SPPL2A: variants seen among roughly 807,000 people sequenced by gnomAD.
SPPL2A encodes signal peptide peptidase-like 2A.
A neutral mutation model predicts 63.8 loss-of-function variants in SPPL2A; 51 were observed. The observed-to-expected ratio is 0.80, with a 90% CI of 0.64 to 1.01. The LOEUF (loss-of-function observed/expected upper bound fraction) is 1.01, where lower values mean the gene tolerates loss of function less well. Among genes scored for constraint, SPPL2A ranks in the 50% least tolerant of loss-of-function variants. The pLI is 0.00. For synonymous variants in SPPL2A, 188 were observed against 205.8 expected (o/e 0.91, Z 0.74); for missense variants, 553 against 622.7 (o/e 0.89, Z 1.19).
chr15:50,713,351 G>A (rs1245592203), intron 14 of SPPL2A, among the ~76,000 whole-genome samples: 5 of 149,306 alleles, frequency 3.3e-5, no homozygotes, highest in African/African-American at 1.2e-4. Context: ...TGCAAGCTCC[G>A]CCTCCCAGGT....
At position 50,749,082 on chromosome 15, in the gene SPPL2A, C is replaced by T. The variant is rs561496443; in HGVS notation, c.178-212G>A. 6.6e-5 allele frequency among the ~76,000 whole-genome samples: 10 copies of T among 152,198 alleles called. No homozygotes were observed. The East Asian group carries it at 9.6e-4, about 15-fold the overall frequency. ...AAATCAATAATTATTTATTAACAAC[C>T]GTACATGACAATGGTTCACACAATA... is the stretch of plus-strand genomic sequence containing the variant. On this transcript the variant is annotated intron_variant, in intron 2 of 14. Transcript: ENST00000261854.
At chr15:50,756,380 G>A (rs2062957521) in intron 1 of SPPL2A, among the ~76,000 whole-genome samples, 1 of 145,816 alleles carries the variant, frequency 6.9e-6, no homozygotes, top group Admixed American at 6.8e-5. Context: ...AAAAAAAAAG[G>A]TCAGGGTCTG....
intron 13 of SPPL2A, among the ~76,000 whole-genome samples, chr15:50,720,811 G>A (rs930115211): frequency 6.6e-6 from 1 of 151,868 alleles, no homozygotes; most frequent in Admixed American, 6.6e-5. Flanking sequence ...TGAGCACCGC[G>A]CCCGGCCTGA....
intron 5 of SPPL2A, among the ~76,000 whole-genome samples, chr15:50,741,019 AT>A (rs1234914619): frequency 6.6e-6 from 1 of 152,236 alleles, no homozygotes; most frequent in Non-Finnish European, 1.5e-5. Flanking sequence ...AATTCAAGGC[AT>A]AACTTTGTCC....
At chr15:50,717,440 T>G (rs947535557) in intron 14 of SPPL2A, among the ~76,000 whole-genome samples, 1 of 152,222 alleles carries the variant, frequency 6.6e-6, no homozygotes, top group Admixed American at 6.5e-5. Flanking sequence ...CCCAAAGTGC[T>G]GCAATTATCA....
intron 9 of SPPL2A, among the ~76,000 whole-genome samples, chr15:50,731,736 T>C (rs1335774083): frequency 6.6e-6 from 1 of 151,262 alleles, no homozygotes; most frequent in Non-Finnish European, 1.5e-5. Context: ...AAAACCAGCC[T>C]GGCCAACATG....
In SPPL2A at chr15:50,702,702, C is replaced by A. The variant is rs2062484789; in HGVS notation, c.*5098G>T. 1 of 152,156 alleles carries A rather than the reference C, an allele frequency of 6.6e-6. No individual in the cohort carries two copies. The highest frequency in any genetic ancestry group is 1.5e-5 in the Non-Finnish European group (1 of 68,016). The allele number at this position is 152,156 out of a possible 1,614,324, so 9.4% of individuals were successfully genotyped here. A position where few individuals can be genotyped will look rare whatever the true frequency, so the allele number is the denominator to read the frequency against. On this transcript the variant is annotated 3_prime_UTR_variant, in exon 15 of 15. Coordinates refer to ENST00000261854, the MANE Select transcript of SPPL2A (RefSeq NM_032802.4). ...GTTTGCAATACTTTTTATGCCTAAT[C>A]AAAGAACCACATAATGACATTTTGT...
intron 14 of SPPL2A, among the ~76,000 whole-genome samples, chr15:50,709,339 T>C (rs2062538745): frequency 2.0e-5 from 3 of 152,210 alleles, no homozygotes; most frequent in Admixed American, 6.5e-5. Context: ...GTTCCTATTT[T>C]TGAAAAGTGG....
At position 50,703,350 on chromosome 15, in the gene SPPL2A, ATATATATTTTTTT is replaced by A. The variant is rs1337979534; in HGVS notation, c.*4437_*4449del. The A allele has an allele frequency of 2.5e-4, 17 of 67,746 alleles. No individual in the cohort carries two copies. The highest frequency in any genetic ancestry group is 4.3e-4 in the Non-Finnish European group (15 of 35,256). 4.2% of individuals were successfully genotyped at this position (67,746 alleles called of 1,614,324 possible). A position where few individuals can be genotyped will look rare whatever the true frequency, so the allele number is the denominator to read the frequency against. ...CATATATATATATATATATATACAT[ATATATATTTTTTT>A]TTTTTTTTTTTTTTTTTGAGATGGA... is the stretch of plus-strand genomic sequence containing the variant. On this transcript the variant is annotated 3_prime_UTR_variant, in exon 15 of 15. Transcript: ENST00000261854.
At position 50,705,517 on chromosome 15, in the gene SPPL2A, C is replaced by A. The variant is rs995835357; in HGVS notation, c.*2283G>T. ...TATTTTATTATTATAAATGAAAATA[C>A]AGAGTTTTAAAACGGCACTTAATCT... On this transcript the variant is annotated 3_prime_UTR_variant, in exon 15 of 15. Transcript: ENST00000261854. 1 of 151,934 alleles carries A rather than the reference C, an allele frequency of 6.6e-6. No homozygotes were observed. Among genetic ancestry groups the A allele is most frequent in the South Asian group, 2.1e-4 (1 of 4,818 alleles). The allele number at this position is 151,934 out of a possible 1,614,324, so 9.4% of individuals were successfully genotyped here.
chr15:50,756,901 T>A (rs1413181923), intron 1 of SPPL2A, among the ~76,000 whole-genome samples: 3 of 152,042 alleles, frequency 2.0e-5, no homozygotes, highest in African/African-American at 7.2e-5. Flanking sequence ...TCAAGTCCCT[T>A]CACACAGCTA....
intron 8 of SPPL2A, among the ~76,000 whole-genome samples, chr15:50,734,660 A>T (rs1019614587): frequency 1.3e-5 from 2 of 152,182 alleles, no homozygotes; most frequent in African/African-American, 4.8e-5. Flanking sequence ...TTGTAAAAAT[A>T]ACTAAAAGAG....
intron 6 of SPPL2A, among the ~76,000 whole-genome samples, chr15:50,737,838 G>A (rs1171953664): frequency 2.6e-5 from 4 of 152,112 alleles, no homozygotes; most frequent in East Asian, 1.9e-4. Context: ...ATAGGAGGCC[G>A]AGGCAGGTGG....
chr15:50,712,681 T>TCCCCC (rs2062569248), intron 14 of SPPL2A, among the ~76,000 whole-genome samples: 2 of 105,548 alleles, frequency 1.9e-5, no homozygotes, highest in African/African-American at 7.3e-5. Context: ...CCCCCCCCCT[T>TCCCCC]TTTTTTTTTT....
chr15:50,720,300 A>G (rs1033491485), intron 13 of SPPL2A, among the ~76,000 whole-genome samples, 200 bp from the exon 14 acceptor site: 13 of 152,188 alleles, frequency 8.5e-5, no homozygotes, highest in Admixed American at 2.0e-4. Context: ...ACTGGTTAGC[A>G]TTTCAATTAT....
chr15:50,761,488 T>C (rs973663575), intron 1 of SPPL2A, among the ~76,000 whole-genome samples: 1 of 152,080 alleles, frequency 6.6e-6, no homozygotes, highest in African/African-American at 2.4e-5. Context: ...TGGTGGTGCA[T>C]GCTTGTAATC....
intron 1 of SPPL2A, among the ~76,000 whole-genome samples, chr15:50,757,880 A>G (rs2062973975): frequency 6.6e-6 from 1 of 150,598 alleles, no homozygotes; most frequent in African/African-American, 2.4e-5. Flanking sequence ...GCTACTCGGG[A>G]GGCTGAGGCC....
rs12437770 is a variant in SPPL2A, at chr15:50,705,107, C to A, written c.*2693G>T. The A allele has an allele frequency of 0.16, 24,616 of 152,144 alleles. 2,676 individuals are homozygous for A. Among genetic ancestry groups the A allele is most frequent in the East Asian group, 0.46 (2,368 of 5,164 alleles). The allele number at this position is 152,144 out of a possible 1,614,324, so 9.4% of individuals were successfully genotyped here. On this transcript the variant is annotated 3_prime_UTR_variant, in exon 15 of 15. Coordinates refer to ENST00000261854, the MANE Select transcript of SPPL2A (RefSeq NM_032802.4). Reference sequence around the variant, plus strand: ...CCTGCAATCCCAGCACTTGGGGAGTCTGAGGCGGGCAGATCATGAGGTCAG... The same window carrying A: ...CCTGCAATCCCAGCACTTGGGGAGTATGAGGCGGGCAGATCATGAGGTCAG...
chr15:50,732,011 T>G (rs2062735565), intron 9 of SPPL2A, among the ~76,000 whole-genome samples: 1 of 151,322 alleles, frequency 6.6e-6, no homozygotes, highest in Admixed American at 6.6e-5. Context: ...CCCAGCACTT[T>G]GGGAGGCCAA....
Sources: allele counts gnomAD v4.1 joint callset (sites outside exome capture counted in the v4.1 genomes callset), GRCh38; gene constraint gnomAD v4.1.1; transcripts MANE v1.5; gene names NCBI Gene and HGNC (gene_info 2026-07-23, HGNC 2026-07-21).